EPHA6: variants seen among roughly 807,000 people sequenced by gnomAD.
EPHA6 encodes the protein ephrin type-A receptor 6.
In EPHA6, 50 loss-of-function variants were observed where a neutral mutation model predicts 112.0. That is an observed-to-expected ratio of 0.45 (90% CI 0.36 to 0.56). The LOEUF (loss-of-function observed/expected upper bound fraction) is 0.56. EPHA6 is among the 20% of genes least tolerant of loss of function. The pLI, the probability that EPHA6 is intolerant of heterozygous loss-of-function variation, is 0.00. For missense variants in EPHA6, 1,280 were observed against 1,417.4 expected (o/e 0.90, Z 1.56); for synonymous variants, 529 against 490.7 (o/e 1.08, Z -1.03).
chr3:96,939,517 A>G (rs542690280), intron 2 of EPHA6, among the ~76,000 whole-genome samples: 30 of 152,148 alleles, frequency 2.0e-4, no homozygotes, highest in African/African-American at 6.7e-4. Context: ...TAGTCTTGCT[A>G]GCAGTCTATC....
intron 2 of EPHA6, among the ~76,000 whole-genome samples, chr3:96,887,141 T>G (rs1553724257): frequency 6.6e-6 from 1 of 151,962 alleles, no homozygotes; most frequent in Non-Finnish European, 1.5e-5. Flanking sequence ...GTGATTTGGT[T>G]GGGGGGGCGA....
chr3:96,969,818 T>C (rs1426145838), intron 2 of EPHA6, among the ~76,000 whole-genome samples: 1 of 152,004 alleles, frequency 6.6e-6, no homozygotes, highest in African/African-American at 2.4e-5. Flanking sequence ...TCAGCATCAT[T>C]TAATATGCTA....
chr3:96,896,663 G>T (rs1162722468), intron 2 of EPHA6, among the ~76,000 whole-genome samples: 1 of 152,046 alleles, frequency 6.6e-6, no homozygotes, highest in Non-Finnish European at 1.5e-5. Flanking sequence ...ATGTAATTTT[G>T]ATTTTTGAGT....
intron 10 of EPHA6, among the ~76,000 whole-genome samples, chr3:97,528,997 T>C (rs2092663613): frequency 6.6e-6 from 1 of 152,172 alleles, no homozygotes; most frequent in South Asian, 2.1e-4. Flanking sequence ...TTCCATTTAA[T>C]AGTGAAGCAT....
At chr3:96,856,959 A>G (rs1462947412) in intron 1 of EPHA6, among the ~76,000 whole-genome samples, 2 of 152,164 alleles carry the variant, frequency 1.3e-5, no homozygotes, top group Non-Finnish European at 2.9e-5. Context: ...AAGGATAAAT[A>G]TTAATCTTCT....
At chr3:97,284,065 A>G (rs1263560582) in intron 5 of EPHA6, among the ~76,000 whole-genome samples, 1 of 152,158 alleles carries the variant, frequency 6.6e-6, no homozygotes, top group Non-Finnish European at 1.5e-5. Flanking sequence ...GCTTAACTCA[A>G]TGCACAGCAA....
intron 14 of EPHA6, among the ~76,000 whole-genome samples, chr3:97,719,662 A>T (rs1337492710): frequency 6.6e-6 from 1 of 152,232 alleles, no homozygotes; most frequent in Non-Finnish European, 1.5e-5. Flanking sequence ...AAGAATAAAA[A>T]TATAAACTAT....
At chr3:97,168,378 A>G (rs1450635077) in intron 3 of EPHA6, among the ~76,000 whole-genome samples, 1 of 152,046 alleles carries the variant, frequency 6.6e-6, no homozygotes, top group South Asian at 2.1e-4. Flanking sequence ...GGAGGTGATT[A>G]GATCGTGGGG....
intron 2 of EPHA6, among the ~76,000 whole-genome samples, chr3:96,910,969 C>A (rs2873616): frequency 0.22 from 32,849 of 151,828 alleles, 6,188 homozygotes; most frequent in African/African-American, 0.48. Flanking sequence ...TGTTGCATTT[C>A]TATTTTGTGC....
intron 5 of EPHA6, among the ~76,000 whole-genome samples, chr3:97,293,318 G>A (rs567380709): frequency 4.0e-5 from 6 of 151,840 alleles, no homozygotes; most frequent in South Asian, 2.1e-4. Flanking sequence ...AGCTCTCAGC[G>A]GAGAGGAGAC....
intron 5 of EPHA6, among the ~76,000 whole-genome samples, chr3:97,395,923 C>T (rs1215351674): frequency 6.6e-6 from 1 of 151,466 alleles, no homozygotes; most frequent in African/African-American, 2.4e-5. Flanking sequence ...TCTATTCATG[C>T]TAAAAATTAG....
intron 10 of EPHA6, among the ~76,000 whole-genome samples, chr3:97,522,620 A>T (rs1273058515): frequency 6.6e-6 from 1 of 152,090 alleles, no homozygotes; most frequent in African/African-American, 2.4e-5. Flanking sequence ...AAAGATTGGT[A>T]TTTATTTCTT....
chr3:97,490,301 A>G (rs1252052437), intron 10 of EPHA6, among the ~76,000 whole-genome samples: 1 of 152,188 alleles, frequency 6.6e-6, no homozygotes, highest in Non-Finnish European at 1.5e-5. Flanking sequence ...TACAATTGTT[A>G]CATTGCTTTA....
chr3:97,085,288 G>T (rs1249697497), intron 3 of EPHA6, among the ~76,000 whole-genome samples: 1 of 152,118 alleles, frequency 6.6e-6, no homozygotes, highest in Non-Finnish European at 1.5e-5. Context: ...GGAAATGTGT[G>T]TCCTCTTCTT....
intron 2 of EPHA6, among the ~76,000 whole-genome samples, chr3:96,973,402 C>A (rs572308296): frequency 6.6e-6 from 1 of 151,926 alleles, no homozygotes; most frequent in Non-Finnish European, 1.5e-5. Flanking sequence ...TCTTTAGCTG[C>A]GAAATGTTTA....
rs1056893502 is a variant in EPHA6 at position 97,259,637 on chromosome 3, C to A, written c.1606+15350C>A. On this transcript the variant is annotated intron_variant, in intron 5 of 17. Coordinates refer to ENST00000389672, the MANE Select transcript of EPHA6 (RefSeq NM_001080448.3). ...AGTAAATGTTTAATAAACTGAGGAG[C>A]AAGCATTTATTAAGTCATAATGCAT... Among the ~76,000 whole-genome samples the A allele has an allele frequency of 2.0e-5, 3 of 152,182 alleles. No homozygotes were observed. The East Asian group carries it at 5.8e-4, about 29-fold the overall frequency.
In EPHA6 at chr3:97,334,752, ACTG is replaced by A. The variant is rs972910861; in HGVS notation, c.1607-70395_1607-70393del. ...TTTGGTAATTTGTGGTTTTTGAAGA[ACTG>A]CTTCATTTCTTTAAGTTGTTGAAAA... is the stretch of plus-strand genomic sequence containing the variant. On this transcript the variant is annotated intron_variant, in intron 5 of 17. Coordinates refer to ENST00000389672, the MANE Select transcript of EPHA6 (RefSeq NM_001080448.3). Among the ~76,000 whole-genome samples the A allele has an allele frequency of 9.2e-5, 14 of 152,212 alleles. No individual in the cohort carries two copies. The South Asian group carries it at 1.0e-3, about 11-fold the overall frequency.
chr3:97,316,710 A>G (rs956229473), intron 5 of EPHA6, among the ~76,000 whole-genome samples: 2 of 151,948 alleles, frequency 1.3e-5, no homozygotes, highest in Admixed American at 6.6e-5. Flanking sequence ...TGTGAAATCA[A>G]CTTTGTTTCT....
chr3:97,195,626 T>C lies in EPHA6; in HGVS notation c.1115-30638T>C, dbSNP rs1478283833. On this transcript the variant is annotated intron_variant, in intron 3 of 17. Coordinates refer to ENST00000389672, the MANE Select transcript of EPHA6 (RefSeq NM_001080448.3). ...TGATTGTTGCTTGTTAACATTATTT[T>C]CTTTCAGATTGAAGAACTCCCTTTA... Among the ~76,000 whole-genome samples, 15 of 152,212 alleles carry C rather than the reference T, an allele frequency of 9.9e-5. No homozygotes were observed. In the East Asian group the frequency reaches 2.5e-3, roughly 26 times the overall value.
Sources: allele counts gnomAD v4.1 joint callset (sites outside exome capture counted in the v4.1 genomes callset), GRCh38; gene constraint gnomAD v4.1.1; transcripts MANE v1.5; gene names NCBI Gene and HGNC (gene_info 2026-07-23, HGNC 2026-07-21).